The following LDLRAD3 variants were observed in gnomAD, a reference collection of about 807,000 sequenced individuals.
LDLRAD3 encodes the protein low-density lipoprotein receptor class A domain-containing protein 3.
Under a neutral mutation model 29.4 loss-of-function variants are expected in LDLRAD3, and 20 were observed. The ratio of observed to expected loss-of-function variants is 0.68; its 90% CI spans 0.48 to 0.99. The LOEUF (loss-of-function observed/expected upper bound fraction) is 0.99. LDLRAD3 is among the 50% of genes least tolerant of loss of function. The pLI is 0.00. For missense variants in LDLRAD3, 420 were observed against 454.3 expected (o/e 0.92, Z 0.69); for synonymous variants, 157 against 192.7 (o/e 0.81, Z 1.53).
chr11:36,205,346 C>T (rs897792157), intron 4 of LDLRAD3, among the ~76,000 whole-genome samples: 11 of 152,168 alleles, frequency 7.2e-5, no homozygotes, highest in Admixed American at 3.3e-4. Flanking sequence ...CTCCCCTCTG[C>T]GTCTTGAAAA....
intron 2 of LDLRAD3, among the ~76,000 whole-genome samples, chr11:36,039,673 G>C (rs2133213332): frequency 6.6e-6 from 1 of 152,308 alleles, no homozygotes; most frequent in South Asian, 2.1e-4. Context: ...CTTAACATTA[G>C]AGGCCCTTGG....
At chr11:36,191,096 G>A (rs116245936) in intron 4 of LDLRAD3, among the ~76,000 whole-genome samples, 19 of 152,278 alleles carry the variant, frequency 1.2e-4, no homozygotes, top group African/African-American at 4.1e-4. Context: ...TGGGAAATTG[G>A]GGATCCAACC....
intron 4 of LDLRAD3, among the ~76,000 whole-genome samples, chr11:36,119,779 G>C (rs2133294813): frequency 6.6e-6 from 1 of 152,218 alleles, no homozygotes; most frequent in Middle Eastern, 3.4e-3. Context: ...CTCATTCTGA[G>C]TTGTCGTTTC....
chr11:36,023,870 G>A (rs1317795145), intron 1 of LDLRAD3, among the ~76,000 whole-genome samples: 1 of 152,164 alleles, frequency 6.6e-6, no homozygotes, highest in East Asian at 1.9e-4. Context: ...TCGTTCATGT[G>A]TATAGTTTGG....
chr11:35,965,773 A>G (rs1851333096), intron 1 of LDLRAD3, among the ~76,000 whole-genome samples: 1 of 152,180 alleles, frequency 6.6e-6, no homozygotes, highest in Non-Finnish European at 1.5e-5. Context: ...TTTAAAGAAT[A>G]GTGTGAGGGT....
At chr11:35,970,541 T>G (rs1231458823) in intron 1 of LDLRAD3, among the ~76,000 whole-genome samples, 1 of 152,220 alleles carries the variant, frequency 6.6e-6, no homozygotes, top group Non-Finnish European at 1.5e-5. Context: ...ATATTTTTGT[T>G]GTTTTAAGCC....
chr11:35,995,732 C>A (rs1305151159), intron 1 of LDLRAD3, among the ~76,000 whole-genome samples: 1 of 152,238 alleles, frequency 6.6e-6, no homozygotes, highest in African/African-American at 2.4e-5. Context: ...CTATCTAGAT[C>A]TTTTGGATAA....
chr11:36,174,768 T>G (rs1590331622), intron 4 of LDLRAD3, among the ~76,000 whole-genome samples: 1 of 151,934 alleles, frequency 6.6e-6, no homozygotes, highest in African/African-American at 2.4e-5. Flanking sequence ...GATCACGAGG[T>G]CAGGAGATCG....
chr11:36,168,962 G>C (rs1458114320), intron 4 of LDLRAD3, among the ~76,000 whole-genome samples: 1 of 152,166 alleles, frequency 6.6e-6, no homozygotes. Context: ...TTCACATTGA[G>C]GTTGAAGCAT....
chr11:36,163,769 C>A (rs1322480784), intron 4 of LDLRAD3, among the ~76,000 whole-genome samples: 1 of 151,700 alleles, frequency 6.6e-6, no homozygotes, highest in African/African-American at 2.4e-5. Flanking sequence ...GGAAGAAGGG[C>A]AGGAAGAAAG....
At chr11:35,957,677 A>G (rs758680424) in intron 1 of LDLRAD3, among the ~76,000 whole-genome samples, 8 of 151,508 alleles carry the variant, frequency 5.3e-5, no homozygotes, top group African/African-American at 4.8e-5. Flanking sequence ...GTGTGCATCT[A>G]TAGTCTCAGG....
At chr11:35,984,452 C>T (rs1160765596) in intron 1 of LDLRAD3, among the ~76,000 whole-genome samples, 3 of 152,146 alleles carry the variant, frequency 2.0e-5, no homozygotes, top group Non-Finnish European at 4.4e-5. Context: ...CTTTCAGCAG[C>T]AAGTGACTTT....
At chr11:36,160,248 C>G (rs1166147676) in intron 4 of LDLRAD3, among the ~76,000 whole-genome samples, 1 of 152,148 alleles carries the variant, frequency 6.6e-6, no homozygotes, top group Non-Finnish European at 1.5e-5. Context: ...CATCTTTGTT[C>G]TCAGTCCCCT....
intron 2 of LDLRAD3, among the ~76,000 whole-genome samples, chr11:36,043,030 G>T (rs1012300687): frequency 6.6e-6 from 1 of 152,096 alleles, no homozygotes; most frequent in Non-Finnish European, 1.5e-5. Flanking sequence ...AATTATTATA[G>T]GCTGGGCATG....
chr11:36,144,270 G>C (rs957868948), intron 4 of LDLRAD3, among the ~76,000 whole-genome samples: 1 of 151,110 alleles, frequency 6.6e-6, no homozygotes, highest in Middle Eastern at 3.2e-3. Context: ...GCGTGATCTC[G>C]GCTCGCTACA....
chr11:36,227,415 C>G lies in LDLRAD3; in HGVS notation c.785C>G (p.Ala262Gly), dbSNP rs780863881. 2 of 1,578,374 alleles carry G rather than the reference C, an allele frequency of 1.3e-6. No individual in the cohort carries two copies. Among genetic ancestry groups the G allele is most frequent in the African/African-American group, 2.7e-5 (2 of 74,378 alleles). ...GGCTCCCCACCCTCCTACTCCGAGG[C>G]CTTGCTGGACCAGAGGTGTGTGCTG... Reference protein sequence around the residue: ...EVGSPPSYSEALLDQRPAWYD... With the variant: ...EVGSPPSYSEGLLDQRPAWYD... The change falls in exon 5 of 6, where the codon GCC becomes GGC. Residue 262 changes from alanine to glycine, a missense_variant. Coordinates refer to ENST00000315571, the MANE Select transcript of LDLRAD3 (RefSeq NM_174902.4).
At chr11:35,993,474 G>A (rs1017340256) in intron 1 of LDLRAD3, among the ~76,000 whole-genome samples, 2 of 152,138 alleles carry the variant, frequency 1.3e-5, no homozygotes, top group African/African-American at 4.8e-5. Flanking sequence ...ATTTCTAGCT[G>A]CCTGCCACTT....
chr11:36,026,757 A>C (rs1816977964), intron 1 of LDLRAD3, among the ~76,000 whole-genome samples: 1 of 152,230 alleles, frequency 6.6e-6, no homozygotes, highest in Non-Finnish European at 1.5e-5. Context: ...ACAGTTTCCA[A>C]ATGCCATAGC....
At chr11:36,089,711 C>A (rs1853248614) in intron 3 of LDLRAD3, among the ~76,000 whole-genome samples, 1 of 152,088 alleles carries the variant, frequency 6.6e-6, no homozygotes, top group African/African-American at 2.4e-5. Context: ...TTGATACTCC[C>A]ATCTCAGCCT....
Sources: allele counts gnomAD v4.1 joint callset (sites outside exome capture counted in the v4.1 genomes callset), GRCh38; gene constraint gnomAD v4.1.1; transcripts MANE v1.5; gene names NCBI Gene and HGNC (gene_info 2026-07-23, HGNC 2026-07-21).